Variants in MICU3 observed in about 807,000 individuals in gnomAD.
The protein encoded by MICU3 is calcium uptake protein 3, mitochondrial.
In MICU3, 62 loss-of-function variants were observed where a neutral mutation model predicts 66.5. The ratio of observed to expected loss-of-function variants is 0.93; its 90% CI spans 0.76 to 1.15. MICU3 has a LOEUF of 1.15. MICU3 is among the 50% of genes most tolerant of loss of function. The pLI, the probability that MICU3 is intolerant of heterozygous loss-of-function variation, is 0.00. For missense variants in MICU3, 779 were observed against 664.4 expected, an observed-to-expected ratio of 1.17 and a Z score of -1.90; for synonymous variants, 308 against 240.7, an observed-to-expected ratio of 1.28 and a Z score of -2.59.
At chr8:17,128,383 AG>A in the MICU3 span, among the ~76,000 whole-genome samples, 1 of 152,224 alleles carries the variant, frequency 6.6e-6, no homozygotes, top group African/African-American at 2.4e-5. Flanking sequence ...TGAAAATCAA[AG>A]GCAACAATAC....
intron 1 of MICU3, among the ~76,000 whole-genome samples, chr8:17,040,758 AG>A (rs1813930602): frequency 6.6e-6 from 1 of 152,210 alleles, no homozygotes; most frequent in Non-Finnish European, 1.5e-5. Context: ...TATATATGGT[AG>A]TCCCACTGTA....
chr8:17,081,794 T>C, intron 5 of MICU3, 54 bp downstream of exon 5: 1 of 792,772 alleles, frequency 1.3e-6, no homozygotes, highest in Non-Finnish European at 2.1e-6. Context: ...TTTAAACGAA[T>C]CTTGGAAAGC....
chr8:17,042,109 A>G (rs186242230), intron 1 of MICU3, among the ~76,000 whole-genome samples: 188 of 152,296 alleles, frequency 1.2e-3, no homozygotes, highest in Non-Finnish European at 2.3e-3. Context: ...AACTTTTACT[A>G]TTCTAATTTA....
intron 7 of MICU3, among the ~76,000 whole-genome samples, chr8:17,087,823 A>G (rs1375772315): frequency 6.6e-6 from 1 of 151,976 alleles, no homozygotes; most frequent in Non-Finnish European, 1.5e-5. Context: ...CCAAAACCTC[A>G]CTTTTATCCA....
chr8:17,066,517 CTA>C (rs71212675), intron 2 of MICU3, among the ~76,000 whole-genome samples: 40,949 of 105,056 alleles, frequency 0.39, 7,724 homozygotes, highest in Middle Eastern at 0.48. Context: ...TGTTAATAAT[CTA>C]TATATATATA....
At chr8:17,133,481 T>C in the MICU3 span, among the ~76,000 whole-genome samples, 1 of 152,306 alleles carries the variant, frequency 6.6e-6, no homozygotes, top group East Asian at 1.9e-4. Context: ...TCCAGTGTAT[T>C]ATTTCAGTTT....
At chr8:17,125,603 C>G (rs1243759508), downstream of MICU3, among the ~76,000 whole-genome samples, 1 of 152,096 alleles carries the variant, frequency 6.6e-6, no homozygotes, top group Non-Finnish European at 1.5e-5. Flanking sequence ...CTTTGGCTGG[C>G]CAGATTTCGC....
chr8:17,063,315 A>G (rs533001207), intron 1 of MICU3, among the ~76,000 whole-genome samples: 3 of 152,200 alleles, frequency 2.0e-5, no homozygotes, highest in Non-Finnish European at 4.4e-5. Flanking sequence ...CATGTATGGT[A>G]AAATCCCACT....
intron 11 of MICU3, among the ~76,000 whole-genome samples, chr8:17,113,288 T>C (rs1802376472): frequency 6.6e-6 from 1 of 152,234 alleles, no homozygotes; most frequent in Admixed American, 6.5e-5. Flanking sequence ...CTGTTCTCTT[T>C]CTTAATTATG....
the MICU3 span, among the ~76,000 whole-genome samples, chr8:17,137,692 A>G: frequency 6.7e-6 from 1 of 148,158 alleles, no homozygotes; most frequent in African/African-American, 2.5e-5. Flanking sequence ...GGAAAGAGTA[A>G]TATTTTCTTT....
intron 1 of MICU3, among the ~76,000 whole-genome samples, chr8:17,030,322 C>G (rs913198048): frequency 2.0e-5 from 3 of 152,218 alleles, no homozygotes; most frequent in Admixed American, 6.5e-5. Context: ...TACTTGAGAA[C>G]CTCTCAGAGG....
chr8:17,059,734 C>T (rs1397308508), intron 1 of MICU3, among the ~76,000 whole-genome samples: 6 of 152,020 alleles, frequency 3.9e-5, no homozygotes, highest in South Asian at 2.1e-4. Context: ...ATCCCATTCT[C>T]AATTCAAATT....
At chr8:17,114,235 A>G in intron 12 of MICU3, 34 bp downstream of exon 12, 1 of 1,313,110 alleles carries the variant, frequency 7.6e-7, no homozygotes, top group Non-Finnish European at 1.1e-6. Context: ...AAAAGCAAGA[A>G]GTAATACTAC....
In MICU3 at chr8:17,114,161, C is replaced by A; in HGVS notation, c.1326C>A (p.Ala442=). The change falls in exon 12 of 15, where the codon GCC becomes GCA. Residue 442 remains alanine (A), a synonymous_variant. Coordinates refer to ENST00000318063, the MANE Select transcript of MICU3 (RefSeq NM_181723.3). ...ACAACCTAGAAGACTTTGCAATAGCCCTGAATATGTATAACTTTGCAAGTC... is the reference window on the plus strand; with the variant it reads ...ACAACCTAGAAGACTTTGCAATAGCACTGAATATGTATAACTTTGCAAGTC... ...FLNNLEDFAI[A]LNMYNFASRS... is the part of the protein sequence containing the mutation. 6.2e-7 allele frequency: 1 copy of A among 1,611,698 alleles called. No homozygotes were observed. Among genetic ancestry groups the A allele is most frequent in the East Asian group, 2.2e-5 (1 of 44,790 alleles).
At chr8:17,117,695 G>A (rs2517041) in intron 13 of MICU3, among the ~76,000 whole-genome samples, 45,594 of 146,344 alleles carry the variant, frequency 0.31, 7,453 homozygotes, top group South Asian at 0.45. Flanking sequence ...TGCAACCTCC[G>A]CCTCCCGGGT....
chr8:17,056,814 T>G (rs1281028386), intron 1 of MICU3, among the ~76,000 whole-genome samples: 1 of 152,322 alleles, frequency 6.6e-6, no homozygotes, highest in East Asian at 1.9e-4. Context: ...TTCGTGAGAA[T>G]CACATATTCC....
In MICU3 at chr8:17,114,053, G is replaced by T; in HGVS notation, c.1258-40G>T. 3.6e-6 allele frequency: 4 copies of T among 1,105,010 alleles called. No individual in the cohort carries two copies. In the South Asian group the frequency reaches 5.8e-5, roughly 16 times the overall value. The allele number at this position is 1,105,010 out of a possible 1,614,324, so 68.5% of individuals were successfully genotyped here. The stretch of plus-strand genomic sequence containing the variant: ...TGTAGATCCTGATTTTAATAAATTT[G>T]GCAATACTAAATGTATTTTCATTTC... On this transcript the variant is annotated intron_variant, in intron 11 of 14. Transcript: ENST00000318063.
At chr8:17,070,659 G>T (rs1819439123) in intron 3 of MICU3, among the ~76,000 whole-genome samples, 1 of 148,756 alleles carries the variant, frequency 6.7e-6, no homozygotes, top group South Asian at 2.1e-4. Flanking sequence ...TTAAAAAAAA[G>T]AATATTAGAA....
downstream of MICU3, among the ~76,000 whole-genome samples, chr8:17,124,867 T>C (rs887257405): frequency 3.9e-5 from 6 of 152,102 alleles, no homozygotes; most frequent in Non-Finnish European, 7.4e-5. Flanking sequence ...TTCTGATCCA[T>C]TACCTTTTTC....
Sources: allele counts gnomAD v4.1 joint callset (sites outside exome capture counted in the v4.1 genomes callset), GRCh38; gene constraint gnomAD v4.1.1; transcripts MANE v1.5; gene names NCBI Gene and HGNC (gene_info 2026-07-23, HGNC 2026-07-21).